Variants in PVT1 observed in about 807,000 individuals in gnomAD.
PVT1 encodes Pvt1 oncogene, also known as CXCR4/PVT1 fusion.
intron 4 of PVT1, among the ~76,000 whole-genome samples, chr8:128,057,187 G>A (rs936995684): frequency 3.9e-5 from 6 of 152,056 alleles, no homozygotes; most frequent in African/African-American, 9.7e-5. Context: ...TAACTTCCCC[G>A]AGGCCTTCCC....
At chr8:127,826,351 C>T (rs537130938) in intron 2 of PVT1, among the ~76,000 whole-genome samples, 3 of 152,222 alleles carry the variant, frequency 2.0e-5, no homozygotes, top group African/African-American at 4.8e-5. Context: ...GGTGATTTCT[C>T]GTAAAAATCA....
intron 3 of PVT1, among the ~76,000 whole-genome samples, chr8:127,972,256 G>C (rs529364451): frequency 7.0e-4 from 107 of 152,326 alleles, no homozygotes; most frequent in African/African-American, 2.4e-3. Context: ...GCCTCCGTGG[G>C]GCAGGCCACT....
intron 3 of PVT1, among the ~76,000 whole-genome samples, chr8:127,896,621 T>A (rs1309346636): frequency 6.6e-6 from 1 of 152,178 alleles, no homozygotes; most frequent in Non-Finnish European, 1.5e-5. Flanking sequence ...TTATTATGTA[T>A]GTATTTATTT....
At position 128,031,217 on chromosome 8, in the gene PVT1, G is replaced by A. The variant is rs1362271462; in HGVS notation, n.913-38943G>A. On this transcript the variant is annotated intron_variant and non_coding_transcript_variant, in intron 4 of 10. Transcript: ENST00000651587. ...TCTCCCGGGCTGCGTGGCGGGTGGC[G>A]GGTGGCTGGCAGGGGAGGGACCCTT... Among the ~76,000 whole-genome samples, 4 of 152,206 alleles carry A rather than the reference G, an allele frequency of 2.6e-5. No homozygotes were observed. In the South Asian group the frequency reaches 6.2e-4, roughly 24 times the overall value.
intron 4 of PVT1, among the ~76,000 whole-genome samples, chr8:128,027,487 T>TA (rs1292175534): frequency 6.6e-6 from 1 of 152,216 alleles, no homozygotes; most frequent in African/African-American, 2.4e-5. Context: ...GGCCAACACT[T>TA]ACTGAGCATA....
At chr8:127,810,802 C>T (rs1388376387) in intron 2 of PVT1, among the ~76,000 whole-genome samples, 6 of 152,170 alleles carry the variant, frequency 3.9e-5, no homozygotes, top group African/African-American at 1.4e-4. Flanking sequence ...TTCTAATGAA[C>T]TCCTACCTAT....
At chr8:127,983,910 A>C (rs1586466862) in intron 3 of PVT1, 1 of 120,586 alleles carries the variant, frequency 8.3e-6, no homozygotes, top group African/African-American at 3.3e-5. Flanking sequence ...ATAGAGTCTC[A>C]CTCTGTGGTC....
chr8:127,804,538 A>ATTTTT (rs35404021), intron 2 of PVT1, among the ~76,000 whole-genome samples: 3 of 112,684 alleles, frequency 2.7e-5, no homozygotes, highest in African/African-American at 6.9e-5. Context: ...TTGCATCCTG[A>ATTTTT]TTTTTTTTTT....
intron 3 of PVT1, among the ~76,000 whole-genome samples, chr8:127,922,849 A>T (rs1172212709): frequency 6.6e-6 from 1 of 152,178 alleles, no homozygotes; most frequent in Non-Finnish European, 1.5e-5. Context: ...CTCTTACCGG[A>T]TGCAGCTGGC....
chr8:127,893,102 A>G (rs1486664906), intron 3 of PVT1, among the ~76,000 whole-genome samples: 1 of 152,228 alleles, frequency 6.6e-6, no homozygotes, highest in Non-Finnish European at 1.5e-5. Context: ...ATGGCAATGA[A>G]TAAGATTCCT....
At chr8:128,022,928 C>A (rs2130057411) in intron 4 of PVT1, among the ~76,000 whole-genome samples, 1 of 150,292 alleles carries the variant, frequency 6.7e-6, no homozygotes, top group Non-Finnish European at 1.5e-5. Context: ...GTGCAGTGGC[C>A]TGATCTTGGC....
At chr8:127,841,910 GA>G (rs1814979250) in intron 2 of PVT1, among the ~76,000 whole-genome samples, 1 of 151,930 alleles carries the variant, frequency 6.6e-6, no homozygotes, top group Non-Finnish European at 1.5e-5. Flanking sequence ...CTTTTTAGTA[GA>G]GACGGGGTTT....
intron 3 of PVT1, among the ~76,000 whole-genome samples, chr8:127,909,727 C>T (rs1161107153): frequency 6.6e-6 from 1 of 151,970 alleles, no homozygotes; most frequent in Non-Finnish European, 1.5e-5. Flanking sequence ...GTGTAGGGGT[C>T]CCCAGAATTG....
chr8:127,960,844 C>T, intron 3 of PVT1: 1 of 238,804 alleles, frequency 4.2e-6, no homozygotes, highest in Non-Finnish European at 8.8e-6. Flanking sequence ...ATACTGCAGG[C>T]CAGGCATGGT....
At chr8:127,936,849 C>T (rs1816282354) in intron 3 of PVT1, among the ~76,000 whole-genome samples, 2 of 152,200 alleles carry the variant, frequency 1.3e-5, no homozygotes, top group Non-Finnish European at 2.9e-5. Flanking sequence ...TCTGCAGAGC[C>T]ACCTGTGCCA....
intron 4 of PVT1, among the ~76,000 whole-genome samples, chr8:128,038,461 A>G (rs999227998): frequency 1.3e-5 from 2 of 152,164 alleles, no homozygotes; most frequent in Admixed American, 1.3e-4. Flanking sequence ...GAGGCTAAGA[A>G]AGAAAGAATG....
At chr8:128,010,215 T>TA (rs935877273) in intron 4 of PVT1, 1 of 152,158 alleles carries the variant, frequency 6.6e-6, no homozygotes, top group African/African-American at 2.4e-5. Context: ...CAGTGACCAT[T>TA]AGAGTCCAAT....
chr8:128,027,871 CT>C (rs1013031096), intron 4 of PVT1, among the ~76,000 whole-genome samples: 1 of 152,236 alleles, frequency 6.6e-6, no homozygotes, highest in African/African-American at 2.4e-5. Flanking sequence ...TTGCACTTTG[CT>C]GGCCATCTCC....
chr8:128,079,186 TC>T (rs1415474217), intron 5 of PVT1, among the ~76,000 whole-genome samples: 1 of 152,168 alleles, frequency 6.6e-6, no homozygotes, highest in African/African-American at 2.4e-5. Flanking sequence ...TTCTTCCCCT[TC>T]TGTAAATAAA....
Sources: allele counts gnomAD v4.1 joint callset (sites outside exome capture counted in the v4.1 genomes callset), GRCh38; gene constraint gnomAD v4.1.1; transcripts MANE v1.5; gene names NCBI Gene and HGNC (gene_info 2026-07-23, HGNC 2026-07-21).